The following RARG variants were observed in gnomAD, a reference collection of about 807,000 sequenced individuals.
RARG encodes the protein RAR-gamma.
A neutral mutation model predicts 43.7 loss-of-function variants in RARG; 17 were observed. That is an observed-to-expected ratio of 0.39 (90% confidence interval 0.27 to 0.58). The LOEUF (loss-of-function observed/expected upper bound fraction) is 0.58, where lower values mean the gene tolerates loss of function less well. Ranked by LOEUF, RARG falls within the 20% of genes least tolerant of loss-of-function variation. RARG has a pLI of 0.57. For missense variants in RARG, 346 were observed against 598.7 expected (o/e 0.58, Z 4.40); for synonymous variants, 238 against 236.4 (o/e 1.01, Z -0.06).
chr12:53,222,095 A>C (rs1413305479), intron 3 of RARG, among the ~76,000 whole-genome samples: 1 of 152,002 alleles, frequency 6.6e-6, no homozygotes, highest in African/African-American at 2.4e-5. Flanking sequence ...AAGGCTGACT[A>C]GGGGGCTTGA....
At chr12:53,218,626 T>C (rs1197260649) in intron 3 of RARG, among the ~76,000 whole-genome samples, 1 of 151,850 alleles carries the variant, frequency 6.6e-6, no homozygotes, top group Non-Finnish European at 1.5e-5. Context: ...GGTCTCCTGG[T>C]TTGCCATCTC....
At position 53,215,742 on chromosome 12, in the gene RARG, C is replaced by T. The variant is rs748205949; in HGVS notation, c.237G>A (p.Ser79=). The T allele has an allele frequency of 9.1e-5, 146 of 1,613,180 alleles. 3 individuals are homozygous for T. The South Asian group carries it at 1.3e-3, about 15-fold the overall frequency. Residue 79 remains serine (S), a synonymous_variant, in exon 4 of 10, where the codon TCG becomes TCA. Coordinates refer to ENST00000425354, the MANE Select transcript of RARG (RefSeq NM_000966.6). The surrounding 1 kb of genome is among the most constrained non-coding windows in gnomAD (Gnocchi z 6.4). ...TGTAGACCCGAGGAGGCGGAGGGGG[C>T]GAGGGCGAGCTGGGCACCATCTCCT... The part of the protein sequence containing the change: ...SSEEMVPSSP[S]PPPPPRVYKP...
At chr12:53,214,878 G>T (rs1465938802) in intron 5 of RARG, 8 of 451,264 alleles carry the variant, frequency 1.8e-5, no homozygotes, top group African/African-American at 5.9e-5. Context: ...CTGGGGGAGG[G>T]GGGGCAGGAT....
At chr12:53,226,477 G>A (rs1180986909) in intron 3 of RARG, among the ~76,000 whole-genome samples, 2 of 152,076 alleles carry the variant, frequency 1.3e-5, no homozygotes, top group African/African-American at 4.8e-5. Flanking sequence ...ACAGGCACAC[G>A]CCACCATACC....
intron 3 of RARG, chr12:53,220,168 C>A: frequency 6.5e-7 from 1 of 1,549,312 alleles, no homozygotes; most frequent in African/African-American, 1.4e-5. Context: ...TCCCCCTCCT[C>A]CCCCGGCGGC....
In RARG at chr12:53,227,645, C is replaced by T. The variant is rs892135327; in HGVS notation, c.-100G>A. The T allele has an allele frequency of 1.1e-5, 15 of 1,355,406 alleles. No individual in the cohort carries two copies. The African/African-American group carries it at 1.5e-4, about 14-fold the overall frequency. 84.0% of individuals were successfully genotyped at this position (1,355,406 alleles called of 1,614,324 possible). On this transcript the variant is annotated 5_prime_UTR_variant, in exon 3 of 10. Coordinates refer to ENST00000425354, the MANE Select transcript of RARG (RefSeq NM_000966.6). The surrounding 1 kb of genome is among the most constrained non-coding windows in gnomAD (Gnocchi z 4.3). The stretch of plus-strand genomic sequence containing the variant: ...CCCACTGCCCCAGCCTGGGAGGCTC[C>T]GTACCCGCCCTGCCTGGCCTGCCCA...
At chr12:53,220,183 C>T (rs991065398) in intron 3 of RARG, 31 of 1,536,290 alleles carry the variant, frequency 2.0e-5, no homozygotes, top group African/African-American at 1.5e-4. Context: ...GGCGGCGCCC[C>T]GCTCCAGCAG....
intron 3 of RARG, chr12:53,220,183 C>A: frequency 6.5e-7 from 1 of 1,536,418 alleles, no homozygotes; most frequent in African/African-American, 1.4e-5. Context: ...GGCGGCGCCC[C>A]GCTCCAGCAG....
chr12:53,218,131 C>T (rs1942830271), intron 3 of RARG, among the ~76,000 whole-genome samples: 1 of 152,112 alleles, frequency 6.6e-6, no homozygotes, highest in African/African-American at 2.4e-5. Context: ...AGGGAACAGC[C>T]CTACCACCAG....
intron 3 of RARG, chr12:53,220,475 A>C: frequency 1.7e-6 from 1 of 581,126 alleles, no homozygotes; most frequent in Non-Finnish European, 2.6e-6. Flanking sequence ...ACACATACAC[A>C]TACGTACACT....
At chr12:53,224,611 C>G (rs1250461291) in intron 3 of RARG, among the ~76,000 whole-genome samples, 2 of 152,092 alleles carry the variant, frequency 1.3e-5, no homozygotes, top group African/African-American at 2.4e-5. Context: ...TTCCCAGACT[C>G]CTGGATCTCT....
At chr12:53,221,882 G>A (rs1320306137) in intron 3 of RARG, among the ~76,000 whole-genome samples, 4 of 151,834 alleles carry the variant, frequency 2.6e-5, no homozygotes, top group African/African-American at 9.7e-5. Context: ...CTGGGCCAGG[G>A]CGGGGCGCGC....
intron 3 of RARG, among the ~76,000 whole-genome samples, chr12:53,226,135 T>TC (rs1203847559): frequency 2.0e-5 from 3 of 152,138 alleles, no homozygotes; most frequent in Non-Finnish European, 4.4e-5. Context: ...TCACCTTTTT[T>TC]TCTCTCTCTC....
In RARG at chr12:53,214,786, C is replaced by T. The variant is rs938522319; in HGVS notation, c.476-180G>A. ...CTCCTATTCCCAGGCTGGTTCTCCC[C>T]AGCCCCACCCAGGGCCTGCAGCCCC... On this transcript the variant is annotated intron_variant, in intron 5 of 9. Coordinates refer to ENST00000425354, the MANE Select transcript of RARG (RefSeq NM_000966.6). 4.5e-6 allele frequency: 3 copies of T among 668,092 alleles called. No individual in the cohort carries two copies. In the Admixed American group the frequency reaches 9.4e-5, roughly 21 times the overall value. The allele number at this position is 668,092 out of a possible 1,614,324, so 41.4% of individuals were successfully genotyped here.
At chr12:53,222,532 A>G (rs1943002414) in intron 3 of RARG, among the ~76,000 whole-genome samples, 1 of 150,404 alleles carries the variant, frequency 6.6e-6, no homozygotes, top group African/African-American at 2.4e-5. Flanking sequence ...GCCAGGCCAC[A>G]GGGAGGGGGG....
At position 53,215,977 on chromosome 12, in the gene RARG, C is replaced by T. The variant is rs1407682945; in HGVS notation, c.185-183G>A. Among the ~76,000 whole-genome samples, 2 of 152,210 alleles carry T rather than the reference C, an allele frequency of 1.3e-5. No homozygotes were observed. The highest frequency in any genetic ancestry group is 1.5e-5 in the Non-Finnish European group (1 of 68,028). On this transcript the variant is annotated intron_variant, in intron 3 of 9. Transcript: ENST00000425354. This position sits in a 1 kb window ranked among gnomAD's most constrained non-coding sequence, Gnocchi z 6.4. ...ATCCTCTTAATGACCACTATTACCA[C>T]AGCTTGTTGTGACCCTAGTTCACCC... is the stretch of plus-strand genomic sequence containing the variant.
intron 3 of RARG, among the ~76,000 whole-genome samples, chr12:53,217,419 C>T (rs374150113): frequency 2.2e-3 from 330 of 152,362 alleles, no homozygotes; most frequent in Middle Eastern, 0.01. Context: ...GGCACTGACG[C>T]CCTCCCTGCC....
chr12:53,225,007 C>T (rs1943072602), intron 3 of RARG, among the ~76,000 whole-genome samples: 1 of 152,184 alleles, frequency 6.6e-6, no homozygotes, highest in African/African-American at 2.4e-5. Flanking sequence ...TCTCCTCTCC[C>T]TCTCCACTCC....
intron 3 of RARG, among the ~76,000 whole-genome samples, chr12:53,218,098 A>C (rs1392692951): frequency 6.6e-6 from 1 of 151,862 alleles, no homozygotes; most frequent in African/African-American, 2.4e-5. Flanking sequence ...GCTGACACAC[A>C]ACAGCCAGCA....
Sources: gnomAD v4.1 joint callset for allele counts (sites outside exome capture counted in the v4.1 genomes callset) on GRCh38, gnomAD v4.1.1 for gene constraint, Gnocchi (gnomAD v3.1) non-coding constraint, MANE v1.5 for transcripts, NCBI Gene and HGNC (gene_info 2026-07-23, HGNC 2026-07-21) for gene names.